BBX: variants seen among roughly 807,000 people sequenced by gnomAD.
The protein encoded by BBX is HMG box transcription factor BBX.
A neutral mutation model predicts 100.2 loss-of-function variants in BBX; 30 were observed. The ratio of observed to expected loss-of-function variants is 0.30; its 90% confidence interval spans 0.22 to 0.41. The LOEUF is 0.41. Among genes scored for constraint, BBX ranks in the 10% least tolerant of loss-of-function variants. The pLI is 1.00. For synonymous variants in BBX, 376 were observed against 388.1 expected, an observed-to-expected ratio of 0.97 and a Z score of 0.37; for missense variants, 1,023 against 1,129.8, an observed-to-expected ratio of 0.91 and a Z score of 1.35.
intron 5 of BBX, among the ~76,000 whole-genome samples, chr3:107,721,352 GT>G (rs1481161559): frequency 6.6e-6 from 1 of 151,592 alleles, no homozygotes; most frequent in African/African-American, 2.4e-5. Context: ...TTCCATAGTT[GT>G]TTTGTTTTTT....
Position 107,748,052 on chromosome 3 carries a change from T to A in BBX, c.825+13T>A. 6.2e-7 allele frequency: 1 copy of A among 1,606,668 alleles called. No homozygotes were observed. The highest frequency in any genetic ancestry group is 8.5e-7 in the Non-Finnish European group (1 of 1,175,292). On this transcript the variant is annotated intron_variant, in intron 9 of 17. Coordinates refer to ENST00000325805, the MANE Select transcript of BBX (RefSeq NM_001142568.3). The stretch of plus-strand genomic sequence containing the variant: ...TCAGTTTGCAGAGGTATGGCCTTTT[T>A]AAAATGCTTTTTAGGCTAAGAAAAC...
At chr3:107,569,518 T>C (rs1369257188) in intron 2 of BBX, among the ~76,000 whole-genome samples, 1 of 151,956 alleles carries the variant, frequency 6.6e-6, no homozygotes, top group Non-Finnish European at 1.5e-5. Flanking sequence ...TTTGGGTAGG[T>C]AGTGGAAAAT....
intron 17 of BBX, among the ~76,000 whole-genome samples, chr3:107,802,856 G>C (rs116049902): frequency 6.6e-6 from 1 of 152,280 alleles, no homozygotes; most frequent in African/African-American, 2.4e-5. Context: ...TACATCCTCT[G>C]ATCAGGTGAA....
At chr3:107,726,568 A>ATTCTGT (rs1213475770) in intron 5 of BBX, among the ~76,000 whole-genome samples, 1 of 151,938 alleles carries the variant, frequency 6.6e-6, no homozygotes, top group East Asian at 1.9e-4. Flanking sequence ...CTCATAGTAA[A>ATTCTGT]TTCTGTTATT....
At position 107,748,046 on chromosome 3, in the gene BBX, C is replaced by A; in HGVS notation, c.825+7C>A. The stretch of plus-strand genomic sequence containing the variant: ...CTTGTTTCAGTTTGCAGAGGTATGG[C>A]CTTTTTAAAATGCTTTTTAGGCTAA... On this transcript the variant is annotated splice_region_variant and intron_variant, in intron 9 of 17. Coordinates refer to ENST00000325805, the MANE Select transcript of BBX (RefSeq NM_001142568.3). The A allele has an allele frequency of 6.2e-7, 1 of 1,609,306 alleles. No homozygotes were observed.
At chr3:107,766,990 G>C (rs909120393) in intron 10 of BBX, among the ~76,000 whole-genome samples, 2 of 152,150 alleles carry the variant, frequency 1.3e-5, no homozygotes, top group Admixed American at 1.3e-4. Flanking sequence ...CTTATTAGTG[G>C]GAATTGAACA....
At chr3:107,635,152 A>C (rs924258024) in intron 2 of BBX, among the ~76,000 whole-genome samples, 1 of 152,152 alleles carries the variant, frequency 6.6e-6, no homozygotes, top group Non-Finnish European at 1.5e-5. Context: ...GTGCCTCTTC[A>C]AGCTATGAAG....
intron 15 of BBX, among the ~76,000 whole-genome samples, chr3:107,793,451 A>C (rs2069267707): frequency 6.6e-6 from 1 of 152,184 alleles, no homozygotes. Flanking sequence ...TGAGCATCAG[A>C]AATTACTAGT....
chr3:107,527,526 T>A (rs1436189927), intron 2 of BBX, among the ~76,000 whole-genome samples: 2 of 152,226 alleles, frequency 1.3e-5, no homozygotes, highest in African/African-American at 4.8e-5. Flanking sequence ...GTAGTGTCCA[T>A]TTGGTAACAA....
chr3:107,607,647 TA>T (rs1195706650), intron 2 of BBX, among the ~76,000 whole-genome samples: 10 of 152,198 alleles, frequency 6.6e-5, no homozygotes, highest in Admixed American at 1.3e-4. Flanking sequence ...CCGTTCTCCA[TA>T]GTGGTTGTAC....
At chr3:107,716,074 A>G (rs574577597) in intron 4 of BBX, among the ~76,000 whole-genome samples, 11 of 152,238 alleles carry the variant, frequency 7.2e-5, no homozygotes, top group Admixed American at 5.2e-4. Context: ...TTACCTTTTT[A>G]TGTCTTACTT....
At position 107,773,001 on chromosome 3, in the gene BBX, A is replaced by G. The variant is rs1298561766; in HGVS notation, c.1280A>G (p.Asp427Gly). The G allele has an allele frequency of 9.9e-6, 16 of 1,614,074 alleles. No homozygotes were observed. The highest frequency in any genetic ancestry group is 1.4e-5 in the Non-Finnish European group (16 of 1,179,990). Reference sequence around the variant, plus strand: ...ATTAGTGATGTTCCCAGTAGAAAGGATCATATGTGCCATCCTCATGGAATT... The same window carrying G: ...ATTAGTGATGTTCCCAGTAGAAAGGGTCATATGTGCCATCCTCATGGAATT... ...IIISDVPSRK[D>G]HMCHPHGIMI... Residue 427 changes from aspartate (D) to glycine (G), a missense_variant, in exon 11 of 18, where the codon GAT (aspartate) becomes GGT (glycine). Asp to Gly is a moderately conservative substitution (Grantham distance 94). This residue lies in a region of BBX where 348 missense variants were observed against 353.2 expected (regional missense o/e 0.99). Transcript: ENST00000325805. This position sits in a 1 kb window ranked among gnomAD's most constrained non-coding sequence, Gnocchi z 4.1.
intron 3 of BBX, among the ~76,000 whole-genome samples, chr3:107,692,336 C>G (rs894425148): frequency 6.6e-6 from 1 of 151,846 alleles, no homozygotes; most frequent in Non-Finnish European, 1.5e-5. Context: ...TCAATGCTAT[C>G]CCTCCCCCCT....
chr3:107,724,584 A>G (rs2062783942), intron 5 of BBX, among the ~76,000 whole-genome samples: 1 of 152,150 alleles, frequency 6.6e-6, no homozygotes, highest in African/African-American at 2.4e-5. Flanking sequence ...TGATTTTTGT[A>G]TAAGGTGTAA....
intron 2 of BBX, among the ~76,000 whole-genome samples, chr3:107,617,066 G>T (rs1032912649): frequency 2.0e-5 from 3 of 152,068 alleles, no homozygotes; most frequent in African/African-American, 7.2e-5. Flanking sequence ...GTTAATTTTT[G>T]TATGAGTTGA....
chr3:107,535,983 G>A (rs1377324863), intron 2 of BBX, among the ~76,000 whole-genome samples: 2 of 152,186 alleles, frequency 1.3e-5, no homozygotes, highest in South Asian at 2.1e-4. Context: ...GTTATAAAAC[G>A]TTTACTTCTG....
intron 2 of BBX, among the ~76,000 whole-genome samples, chr3:107,645,378 A>T (rs2057455679): frequency 6.6e-6 from 1 of 152,020 alleles, no homozygotes; most frequent in African/African-American, 2.4e-5. Flanking sequence ...TGCCCTATTA[A>T]CTTTAAAATA....
chr3:107,569,388 T>A (rs1000935819), intron 2 of BBX, among the ~76,000 whole-genome samples: 15 of 152,152 alleles, frequency 9.9e-5, no homozygotes, highest in East Asian at 1.9e-4. Flanking sequence ...TTTTATTTTT[T>A]ATTTTTTTAA....
At chr3:107,708,320 AT>A (rs2061504693) in intron 3 of BBX, among the ~76,000 whole-genome samples, 2 of 152,226 alleles carry the variant, frequency 1.3e-5, no homozygotes, top group Non-Finnish European at 2.9e-5. Flanking sequence ...CTTGCTAAGA[AT>A]GCCACAAGAA....
Sources: gnomAD v4.1 joint callset for allele counts (sites outside exome capture counted in the v4.1 genomes callset) on GRCh38, gnomAD v4.1.1 for gene constraint, gnomAD v4.1.1 regional missense constraint, Gnocchi (gnomAD v3.1) non-coding constraint, MANE v1.5 for transcripts, NCBI Gene and HGNC (gene_info 2026-07-23, HGNC 2026-07-21) for gene names.